The following ERGIC1 variants were observed in gnomAD, a reference collection of about 807,000 sequenced individuals.
The protein encoded by ERGIC1 is endoplasmic reticulum-golgi intermediate compartment 1.
Under a neutral mutation model 38.3 loss-of-function variants are expected in ERGIC1, and 19 were observed. That is an observed-to-expected ratio of 0.50 (90% confidence interval 0.35 to 0.73). ERGIC1 has a LOEUF of 0.73. ERGIC1 is among the 30% of genes least tolerant of loss of function. ERGIC1 has a pLI of 0.01. For synonymous variants in ERGIC1, 124 were observed against 157.6 expected, an observed-to-expected ratio of 0.79 and a Z score of 1.60; for missense variants, 294 against 389.2, an observed-to-expected ratio of 0.76 and a Z score of 2.06.
At chr5:172,897,893 A>G (rs1762762964) in intron 3 of ERGIC1, 1 of 413,886 alleles carries the variant, frequency 2.4e-6, no homozygotes, top group Non-Finnish European at 4.4e-6. Flanking sequence ...CGCAGAGTTA[A>G]ACCATTCCTG....
At chr5:172,892,648 G>C (rs1230614921) in intron 2 of ERGIC1, among the ~76,000 whole-genome samples, 1 of 152,280 alleles carries the variant, frequency 6.6e-6, no homozygotes, top group Non-Finnish European at 1.5e-5. Context: ...TTAGAGTCTT[G>C]CCCAAACATG....
Position 172,834,407 on chromosome 5 carries a change from C to T in ERGIC1, c.-7C>T, listed in dbSNP as rs1302544125. 4.5e-6 allele frequency: 6 copies of T among 1,329,176 alleles called. No homozygotes were observed. The highest frequency in any genetic ancestry group is 3.1e-5 in the East Asian group (1 of 32,352). The allele number at this position is 1,329,176 out of a possible 1,614,324, so 82.3% of individuals were successfully genotyped here. On this transcript the variant is annotated 5_prime_UTR_variant, in exon 1 of 10. Transcript: ENST00000393784. The surrounding 1 kb of genome is among the most constrained non-coding windows in gnomAD (Gnocchi z 4.1). ...CCTGCAGCGCTCCCACCCCCGGCGG[C>T]GGCACGATGCCCTTTGACTTCAGGA...
At chr5:172,949,573 ACC>A (rs1184735710) in intron 9 of ERGIC1, among the ~76,000 whole-genome samples, 1 of 150,988 alleles carries the variant, frequency 6.6e-6, no homozygotes. Context: ...TCCTCCTGCT[ACC>A]GCCATTCTCA....
intron 1 of ERGIC1, among the ~76,000 whole-genome samples, chr5:172,860,350 C>T (rs1022341558): frequency 2.0e-5 from 3 of 152,232 alleles, no homozygotes; most frequent in Admixed American, 2.0e-4. Context: ...CATTCTGCCC[C>T]CTCACATCTG....
intron 3 of ERGIC1, among the ~76,000 whole-genome samples, chr5:172,902,683 A>G (rs995294241): frequency 6.6e-6 from 1 of 152,088 alleles, no homozygotes; most frequent in African/African-American, 2.4e-5. Flanking sequence ...ATAGATGCAC[A>G]TACTTTTACC....
chr5:172,888,458 T>TA (rs146563201), intron 1 of ERGIC1, among the ~76,000 whole-genome samples: 186 of 144,030 alleles, frequency 1.3e-3, no homozygotes, highest in African/African-American at 3.9e-3. Context: ...AGACCCTGTT[T>TA]AAAAAAAAAA....
At chr5:172,851,167 C>G (rs562853710) in intron 1 of ERGIC1, among the ~76,000 whole-genome samples, 1 of 146,238 alleles carries the variant, frequency 6.8e-6, no homozygotes, top group African/African-American at 2.6e-5. Flanking sequence ...CACAACTGCA[C>G]TCCAGCCTGG....
chr5:172,842,939 T>C (rs1198358596), intron 1 of ERGIC1, among the ~76,000 whole-genome samples: 2 of 152,052 alleles, frequency 1.3e-5, no homozygotes, highest in Non-Finnish European at 2.9e-5. Flanking sequence ...AGGTCAGGAG[T>C]TCGAGACCAA....
At position 172,876,336 on chromosome 5, in the gene ERGIC1, G is replaced by A. The variant is rs148882311; in HGVS notation, c.21-12363G>A. ...TTCTTTGAAGTTATTCTATAAAACA[G>A]AACGTTGCCCTCATCAACTATTTGG... On this transcript the variant is annotated intron_variant, in intron 1 of 9. Coordinates refer to ENST00000393784, the MANE Select transcript of ERGIC1 (RefSeq NM_001031711.3). 2.9e-4 allele frequency among the ~76,000 whole-genome samples: 44 copies of A among 152,320 alleles called. No individual in the cohort carries two copies. In the East Asian group the frequency reaches 8.5e-3, roughly 29 times the overall value.
intron 9 of ERGIC1, among the ~76,000 whole-genome samples, chr5:172,941,691 G>C (rs990519188): frequency 1.9e-4 from 29 of 152,326 alleles, no homozygotes; most frequent in South Asian, 4.1e-4. Context: ...AGAACTATTA[G>C]AGCAGGAAAC....
chr5:172,892,062 G>GT (rs573472747), intron 2 of ERGIC1, among the ~76,000 whole-genome samples: 3,861 of 90,162 alleles, frequency 0.043, 129 homozygotes, highest in African/African-American at 0.081. Context: ...TAAAGAGTAT[G>GT]TTTTTTTTTT....
At chr5:172,854,251 C>T (rs1271178604) in intron 1 of ERGIC1, among the ~76,000 whole-genome samples, 1 of 151,926 alleles carries the variant, frequency 6.6e-6, no homozygotes, top group Non-Finnish European at 1.5e-5. Context: ...GCATGGTGGC[C>T]TGCACCTGTG....
At chr5:172,915,746 T>C in intron 5 of ERGIC1, 1 of 423,732 alleles carries the variant, frequency 2.4e-6, no homozygotes, top group South Asian at 1.7e-5. Context: ...CACACAGCTA[T>C]CTGCATGTCC....
rs1379816966 is a variant in ERGIC1 at position 172,858,447 on chromosome 5, C to T, written c.20+24014C>T. ...TCTCGGGCAGTGTCTGAGCAAGGGG[C>T]CGGTGGTCTGCGCATCTGCACACTA... On this transcript the variant is annotated intron_variant, in intron 1 of 9. Transcript: ENST00000393784. Among the ~76,000 whole-genome samples, 8 of 152,182 alleles carry T rather than the reference C, an allele frequency of 5.3e-5. No individual in the cohort carries two copies. In the East Asian group the frequency reaches 1.5e-3, roughly 29 times the overall value.
rs183810385 is a variant in ERGIC1 at position 172,862,061 on chromosome 5, G to A, written c.21-26638G>A. Among the ~76,000 whole-genome samples the A allele has an allele frequency of 8.1e-4, 122 of 151,324 alleles. No individual in the cohort carries two copies. In the East Asian group the frequency reaches 0.02, roughly 25 times the overall value. On this transcript the variant is annotated intron_variant, in intron 1 of 9. Coordinates refer to ENST00000393784, the MANE Select transcript of ERGIC1 (RefSeq NM_001031711.3). Reference sequence around the variant, plus strand: ...GGCTAGAGTGCAATGGCATGATCTCGGCTCGCTGCAACCTCCGCCTCCCGG... The same window carrying A: ...GGCTAGAGTGCAATGGCATGATCTCAGCTCGCTGCAACCTCCGCCTCCCGG...
intron 7 of ERGIC1, among the ~76,000 whole-genome samples, chr5:172,928,596 G>T (rs936075501): frequency 3.3e-5 from 5 of 152,000 alleles, no homozygotes; most frequent in Non-Finnish European, 7.3e-5. Context: ...TGGCTGTTGC[G>T]CCAGCTATAA....
chr5:172,950,297 T>A (rs1178388309), intron 9 of ERGIC1, among the ~76,000 whole-genome samples: 2 of 152,178 alleles, frequency 1.3e-5, no homozygotes, highest in Non-Finnish European at 2.9e-5. Flanking sequence ...AAATATGTGA[T>A]AAATTCAGAG....
At chr5:172,854,593 C>T (rs1182374370) in intron 1 of ERGIC1, among the ~76,000 whole-genome samples, 1 of 152,256 alleles carries the variant, frequency 6.6e-6, no homozygotes, top group African/African-American at 2.4e-5. Flanking sequence ...CGCATGGTCC[C>T]GGTGTGGGTG....
intron 1 of ERGIC1, among the ~76,000 whole-genome samples, chr5:172,874,940 A>T (rs958284624): frequency 1.3e-5 from 2 of 150,160 alleles, no homozygotes; most frequent in East Asian, 1.9e-4. Context: ...AAAAAAAAAA[A>T]TTAAAAGAAG....
Sources: gnomAD v4.1 joint callset for allele counts (sites outside exome capture counted in the v4.1 genomes callset) on GRCh38, gnomAD v4.1.1 for gene constraint, Gnocchi (gnomAD v3.1) non-coding constraint, MANE v1.5 for transcripts, NCBI Gene and HGNC (gene_info 2026-07-23, HGNC 2026-07-21) for gene names.